Variants in CYSTM1 observed in about 807,000 individuals in gnomAD.
CYSTM1 encodes cysteine rich transmembrane module containing 1, also known as cysteine-rich transmembrane module-containing protein 1.
Under a neutral mutation model 13.1 loss-of-function variants are expected in CYSTM1, and 4 were observed. The ratio of observed to expected loss-of-function variants is 0.31; its 90% CI spans 0.15 to 0.70. CYSTM1 has a LOEUF of 0.70. Ranked by LOEUF, CYSTM1 falls within the 30% of genes least tolerant of loss-of-function variation. The pLI is 0.72. For synonymous variants in CYSTM1, 36 were observed against 42.7 expected (o/e 0.84, Z 0.62); for missense variants, 96 against 121.6 (o/e 0.79, Z 0.99).
intron 2 of CYSTM1, among the ~76,000 whole-genome samples, chr5:140,213,704 G>A (rs1764397372): frequency 6.6e-6 from 1 of 152,122 alleles, no homozygotes; most frequent in Non-Finnish European, 1.5e-5. Context: ...GCTTACCATT[G>A]TTTAAAATTG....
chr5:140,220,555 G>A (rs1044227659), intron 2 of CYSTM1, among the ~76,000 whole-genome samples: 2 of 152,098 alleles, frequency 1.3e-5, no homozygotes, highest in Admixed American at 6.5e-5. Context: ...ATGGGTCTTT[G>A]TCTTCTTTTC....
chr5:140,175,924 C>T lies in CYSTM1; in HGVS notation c.-21+639C>T, dbSNP rs1402369612. ...GGAGGAAGTGAAATCTGAGCGGGGT[C>T]CTGACGGGTGGGAACTAATCTCCCG... On this transcript the variant is annotated intron_variant, in intron 1 of 2. Transcript: ENST00000261811. This position sits in a 1 kb window ranked among gnomAD's most constrained non-coding sequence, Gnocchi z 4.9. 6.6e-6 allele frequency among the ~76,000 whole-genome samples: 1 copy of T among 152,030 alleles called. No individual in the cohort carries two copies. Among genetic ancestry groups the T allele is most frequent in the African/African-American group, 2.4e-5 (1 of 41,382 alleles).
intron 2 of CYSTM1, among the ~76,000 whole-genome samples, chr5:140,195,640 C>T (rs1312172874): frequency 6.6e-6 from 1 of 151,138 alleles, no homozygotes; most frequent in Non-Finnish European, 1.5e-5. Flanking sequence ...ACTGTGTTAG[C>T]CAGGATGGTC....
chr5:140,178,877 C>T (rs1393952131), intron 1 of CYSTM1, among the ~76,000 whole-genome samples: 1 of 152,006 alleles, frequency 6.6e-6, no homozygotes, highest in Non-Finnish European at 1.5e-5. Context: ...GCTGGGATTA[C>T]AGGCATGAGC....
At chr5:140,240,085 C>T (rs929036870) in intron 2 of CYSTM1, among the ~76,000 whole-genome samples, 1 of 152,068 alleles carries the variant, frequency 6.6e-6, no homozygotes, top group Non-Finnish European at 1.5e-5. Context: ...ATCTGAGCAG[C>T]CACAGCAGGC....
chr5:140,226,505 AATATATATTAATAATATATAATATATTT>A (rs1309774463), intron 2 of CYSTM1, among the ~76,000 whole-genome samples: 2 of 80,462 alleles, frequency 2.5e-5, no homozygotes, highest in African/African-American at 8.5e-5. Context: ...AATATATATA[AATATATATTAATAATATATAATATATTT>A]ATATATATTA....
At chr5:140,232,766 G>T (rs181908333) in intron 2 of CYSTM1, among the ~76,000 whole-genome samples, 13 of 152,326 alleles carry the variant, frequency 8.5e-5, no homozygotes, top group Admixed American at 2.0e-4. Context: ...ACTAGCTGAG[G>T]CAGGAAGGCT....
intron 2 of CYSTM1, among the ~76,000 whole-genome samples, chr5:140,195,948 G>A (rs950078197): frequency 2.6e-5 from 4 of 151,708 alleles, no homozygotes; most frequent in African/African-American, 9.7e-5. Flanking sequence ...AGGAGGCTGA[G>A]GCAGGAGAAT....
chr5:140,235,868 G>A (rs1012703739), intron 2 of CYSTM1, among the ~76,000 whole-genome samples: 52 of 152,164 alleles, frequency 3.4e-4, no homozygotes, highest in African/African-American at 1.2e-3. Context: ...AGAAGAGTGG[G>A]TGCTGAGGAA....
intron 2 of CYSTM1, among the ~76,000 whole-genome samples, chr5:140,225,163 T>C (rs1054901944): frequency 3.9e-5 from 6 of 152,148 alleles, no homozygotes; most frequent in African/African-American, 1.4e-4. Flanking sequence ...GCCTGGGTAA[T>C]AGAGCAAGAC....
chr5:140,193,101 T>A (rs1764111648), intron 1 of CYSTM1, among the ~76,000 whole-genome samples: 1 of 152,220 alleles, frequency 6.6e-6, no homozygotes, highest in Non-Finnish European at 1.5e-5. Flanking sequence ...AATTATTACA[T>A]TTTGAATCTG....
intron 2 of CYSTM1, among the ~76,000 whole-genome samples, chr5:140,199,300 A>G (rs1764198376): frequency 6.6e-6 from 1 of 152,240 alleles, no homozygotes; most frequent in Non-Finnish European, 1.5e-5. Flanking sequence ...AGAATGACTT[A>G]TAATCCTTTG....
At chr5:140,187,755 G>C (rs1204834920) in intron 1 of CYSTM1, among the ~76,000 whole-genome samples, 1 of 152,200 alleles carries the variant, frequency 6.6e-6, no homozygotes, top group Admixed American at 6.5e-5. Flanking sequence ...TTTAGGCTTT[G>C]ATAATAAGAA....
chr5:140,225,133 G>C (rs937816280), intron 2 of CYSTM1, among the ~76,000 whole-genome samples: 4 of 152,192 alleles, frequency 2.6e-5, no homozygotes, highest in Non-Finnish European at 4.4e-5. Context: ...GGTGAGTTAT[G>C]ATCATGCCAC....
intron 2 of CYSTM1, among the ~76,000 whole-genome samples, chr5:140,213,443 A>G (rs562477923): frequency 6.6e-6 from 1 of 152,298 alleles, no homozygotes. Context: ...GTTATTGAAG[A>G]AAGAAATTTG....
chr5:140,221,116 G>A (rs1764483518), intron 2 of CYSTM1, among the ~76,000 whole-genome samples: 1 of 152,156 alleles, frequency 6.6e-6, no homozygotes, highest in African/African-American at 2.4e-5. Flanking sequence ...AGGTTACCGT[G>A]AGCTATGATT....
At chr5:140,213,063 C>T (rs1350513288) in intron 2 of CYSTM1, among the ~76,000 whole-genome samples, 1 of 137,984 alleles carries the variant, frequency 7.2e-6, no homozygotes, top group African/African-American at 2.7e-5. Flanking sequence ...TTTAAGTTAA[C>T]CATAAAACAG....
intron 1 of CYSTM1, among the ~76,000 whole-genome samples, chr5:140,179,851 C>T (rs1327387669): frequency 1.3e-5 from 2 of 151,754 alleles, no homozygotes; most frequent in East Asian, 2.0e-4. Context: ...TTAGTAGAGA[C>T]GGGGTTTCAC....
chr5:140,183,519 G>A (rs546931805), intron 1 of CYSTM1, among the ~76,000 whole-genome samples: 1 of 152,332 alleles, frequency 6.6e-6, no homozygotes, highest in South Asian at 2.1e-4. Context: ...CTGAGGAGAA[G>A]CCAACCTTCA....
Sources: gnomAD v4.1 joint callset for allele counts (sites outside exome capture counted in the v4.1 genomes callset) on GRCh38, gnomAD v4.1.1 for gene constraint, Gnocchi (gnomAD v3.1) non-coding constraint, MANE v1.5 for transcripts, NCBI Gene and HGNC (gene_info 2026-07-23, HGNC 2026-07-21) for gene names.